IFT140: variants seen among roughly 807,000 people sequenced by gnomAD.
IFT140 encodes the protein intraflagellar transport protein 140 homolog.
Under a neutral mutation model 164.6 loss-of-function variants are expected in IFT140, and 133 were observed. The observed-to-expected ratio is 0.81, with a 90% CI of 0.70 to 0.93. The LOEUF is 0.93. Ranked by LOEUF, IFT140 falls within the 40% of genes least tolerant of loss-of-function variation. The pLI is 0.00. For missense variants in IFT140, 2,045 were observed against 1,972.3 expected, an observed-to-expected ratio of 1.04 and a Z score of -0.70; for synonymous variants, 860 against 817.3, an observed-to-expected ratio of 1.05 and a Z score of -0.89.
chr16:1,519,018 C>G (rs1350748254), intron 29 of IFT140, among the ~76,000 whole-genome samples: 1 of 152,200 alleles, frequency 6.6e-6, no homozygotes, highest in Non-Finnish European at 1.5e-5. Context: ...GGTTGCCCAC[C>G]CTGGCCCTCA....
At chr16:1,589,065 G>A (rs1201757179) in intron 7 of IFT140, among the ~76,000 whole-genome samples, 1 of 152,198 alleles carries the variant, frequency 6.6e-6, no homozygotes, top group African/African-American at 2.4e-5. Flanking sequence ...TGGCCCCTGG[G>A]ACGAGGTCCC....
rs755552306 is a variant in IFT140, at chr16:1,526,844, C to T, written c.2400-48G>A. On this transcript the variant is annotated intron_variant, in intron 19 of 30. Coordinates refer to ENST00000426508, the MANE Select transcript of IFT140 (RefSeq NM_014714.4). ...GAGGCTCCTGCCCAGCACCTCAGGG[C>T]CCCCTGGCCCTACGGCCCCTTCTCC... is the stretch of plus-strand genomic sequence containing the variant. 29 of 1,551,232 alleles carry T rather than the reference C, an allele frequency of 1.9e-5. 1 individual carries two copies. The South Asian group carries it at 2.5e-4, about 13-fold the overall frequency.
intron 3 of IFT140, among the ~76,000 whole-genome samples, chr16:1,605,099 CAGG>C (rs952875311): frequency 2.6e-5 from 4 of 152,070 alleles, no homozygotes; most frequent in Non-Finnish European, 4.4e-5. Flanking sequence ...GCTCAGATCA[CAGG>C]AGAAGGAAGA....
At chr16:1,595,603 GA>G (rs548658471) in intron 4 of IFT140, among the ~76,000 whole-genome samples, 463 of 82,488 alleles carry the variant, frequency 5.6e-3, no homozygotes, top group Middle Eastern at 0.02. Context: ...CTCCATCTCA[GA>G]AAAAAAAAAA....
At chr16:1,519,567 G>A (rs542156166) in intron 29 of IFT140, among the ~76,000 whole-genome samples, 2 of 152,128 alleles carry the variant, frequency 1.3e-5, no homozygotes, top group South Asian at 4.2e-4. Flanking sequence ...TCCCCTGCCC[G>A]GCCCCTGCAC....
In IFT140 at chr16:1,524,575, T is replaced by C; in HGVS notation, c.3118A>G (p.Lys1040Glu). 6.2e-7 allele frequency: 1 copy of C among 1,611,330 alleles called. No individual in the cohort carries two copies. The highest frequency in any genetic ancestry group is 8.5e-7 in the Non-Finnish European group (1 of 1,178,810). ...ACCTTGCACAGGCGGATGGCATTCTTGAAGGCCTGTGCCCGGGTGTAGAAG... is the reference window on the plus strand; with the variant it reads ...ACCTTGCACAGGCGGATGGCATTCTCGAAGGCCTGTGCCCGGGTGTAGAAG... Reference protein sequence around the residue: ...VHFYTRAQAFKNAIRLCKENG... With the variant: ...VHFYTRAQAFENAIRLCKENG... The change falls in exon 24 of 31, where the codon AAG (lysine) becomes GAG (glutamate). Residue 1040 changes from lysine to glutamate, a missense_variant. Coordinates refer to ENST00000426508, the MANE Select transcript of IFT140 (RefSeq NM_014714.4).
At chr16:1,588,871 T>G (rs918730650) in intron 7 of IFT140, among the ~76,000 whole-genome samples, 1 of 152,088 alleles carries the variant, frequency 6.6e-6, no homozygotes, top group African/African-American at 2.4e-5. Flanking sequence ...AGCCCTGGCC[T>G]GGCAGGGCTG....
intron 12 of IFT140, among the ~76,000 whole-genome samples, chr16:1,581,893 T>A (rs1354786355): frequency 6.6e-6 from 1 of 151,682 alleles, no homozygotes; most frequent in East Asian, 1.9e-4. Context: ...GAGAGAACTT[T>A]AAGCAACAAA....
chr16:1,544,338 C>A (rs182159317), intron 19 of IFT140, among the ~76,000 whole-genome samples: 2 of 151,916 alleles, frequency 1.3e-5, no homozygotes, highest in East Asian at 3.9e-4. Flanking sequence ...CGCCCGCCAC[C>A]ATGCCCGGCT....
chr16:1,524,714 C>A lies in IFT140; in HGVS notation c.2998-19G>T. ...GCGCAGCCTAGAAAGACAAAGAACC[C>A]AAAGACGAGACACGGTGGCCTTGTG... On this transcript the variant is annotated intron_variant, in intron 23 of 30. Transcript: ENST00000426508. The A allele has an allele frequency of 6.3e-7, 1 of 1,576,992 alleles. No homozygotes were observed. Among genetic ancestry groups the A allele is most frequent in the South Asian group, 1.1e-5 (1 of 88,144 alleles).
At chr16:1,597,494 G>C (rs1352210403) in intron 4 of IFT140, among the ~76,000 whole-genome samples, 3 of 152,226 alleles carry the variant, frequency 2.0e-5, no homozygotes, top group African/African-American at 7.2e-5. Flanking sequence ...ACTTCAGCTG[G>C]TCTGGGCTGA....
rs777889289 is a variant in IFT140, at chr16:1,524,623, C to T, written c.3070G>A (p.Glu1024Lys). Reference protein sequence around the residue: ...YHLARQYESQEEVGQAVHFYT... With the variant: ...YHLARQYESQKEVGQAVHFYT... Reference sequence around the variant, plus strand: ...AAGTGCACCGCCTGCCCGACCTCCTCCTGGCTCTCGTACTGGCGGGCGAGG... The same window carrying T: ...AAGTGCACCGCCTGCCCGACCTCCTTCTGGCTCTCGTACTGGCGGGCGAGG... Residue 1024 changes from glutamate (E) to lysine (K), a missense_variant, in exon 24 of 31, where the codon GAG (glutamate) becomes AAG (lysine). Physicochemically the swap from Glu to Lys is moderately conservative, Grantham distance 56. Transcript: ENST00000426508. 6.2e-7 allele frequency: 1 copy of T among 1,603,284 alleles called. No individual in the cohort carries two copies. Among genetic ancestry groups the T allele is most frequent in the African/African-American group, 1.3e-5 (1 of 74,816 alleles).
chr16:1,525,520 C>T (rs116517691), intron 21 of IFT140, among the ~76,000 whole-genome samples, 194 bp from the exon 22 acceptor site: 59 of 152,284 alleles, frequency 3.9e-4, no homozygotes, highest in African/African-American at 1.2e-3. Flanking sequence ...TGTGGGGGCC[C>T]GGGAGGCGGG....
intron 19 of IFT140, among the ~76,000 whole-genome samples, chr16:1,556,138 C>T (rs1034281909): frequency 6.6e-6 from 1 of 152,186 alleles, no homozygotes. Flanking sequence ...AACCTTCAGC[C>T]TATCTTTAGC....
intron 19 of IFT140, chr16:1,552,994 C>T (rs1230857246): frequency 1.0e-6 from 1 of 985,146 alleles, no homozygotes; most frequent in Non-Finnish European, 1.2e-6. Flanking sequence ...CCAGGAGCTA[C>T]CCATGTATAA....
chr16:1,568,121 G>C, intron 15 of IFT140, 96 bp downstream of exon 15: 1 of 818,862 alleles, frequency 1.2e-6, no homozygotes, highest in South Asian at 1.5e-5. Flanking sequence ...AGGAAGACTT[G>C]CACAGGAGGA....
intron 13 of IFT140, among the ~76,000 whole-genome samples, chr16:1,573,482 CA>C (rs1229650193): frequency 6.6e-6 from 1 of 152,096 alleles, no homozygotes; most frequent in Non-Finnish European, 1.5e-5. Flanking sequence ...CTTGTATTTC[CA>C]ACTGTCTCTT....
Position 1,586,152 on chromosome 16 carries a change from T to G in IFT140, c.1133A>C (p.Gln378Pro). ...RWALQTPTEL[Q>P]GNITQIQWGS... ...TACCTGGATTTGCGTGATGTTTCCT[T>G]GGAGCTCGGTAGGGGTCTGAAGGGC... Residue 378 changes from glutamine to proline, a missense_variant, in exon 10 of 31, where the codon CAA becomes CCA. Gln to Pro is a moderately conservative substitution (Grantham distance 76). Transcript: ENST00000426508. 1 of 1,613,738 alleles carries G rather than the reference T, an allele frequency of 6.2e-7. No homozygotes were observed. The highest frequency in any genetic ancestry group is 8.5e-7 in the Non-Finnish European group (1 of 1,180,032).
At chr16:1,601,226 T>G (rs1013058093) in intron 4 of IFT140, among the ~76,000 whole-genome samples, 2 of 147,064 alleles carry the variant, frequency 1.4e-5, no homozygotes, top group Non-Finnish European at 3.0e-5. Context: ...AACGTGCCAC[T>G]GCACTCTAGC....
Sources: gnomAD v4.1 joint callset for allele counts (sites outside exome capture counted in the v4.1 genomes callset) on GRCh38, gnomAD v4.1.1 for gene constraint, MANE v1.5 for transcripts, NCBI Gene and HGNC (gene_info 2026-07-23, HGNC 2026-07-21) for gene names.